Variants in FBXL17 observed in about 807,000 individuals in gnomAD.
FBXL17 encodes the protein F-box/LRR-repeat protein 17.
Under a neutral mutation model 66.2 loss-of-function variants are expected in FBXL17, and 22 were observed. The ratio of observed to expected loss-of-function variants is 0.33; its 90% CI spans 0.24 to 0.47. The LOEUF is 0.47. FBXL17 is among the 20% of genes least tolerant of loss of function. The pLI, the probability that FBXL17 is intolerant of heterozygous loss-of-function variation, is 1.00. For synonymous variants in FBXL17, 474 were observed against 400.5 expected, an observed-to-expected ratio of 1.18 and a Z score of -2.19; for missense variants, 878 against 948.2, an observed-to-expected ratio of 0.93 and a Z score of 0.97.
intron 7 of FBXL17, among the ~76,000 whole-genome samples, chr5:107,890,008 G>A (rs558171902): frequency 2.3e-4 from 35 of 152,190 alleles, no homozygotes; most frequent in African/African-American, 8.4e-4. Flanking sequence ...AGGTTCCCCT[G>A]ACAATCCCCC....
chr5:107,962,114 A>C (rs1751937199), intron 7 of FBXL17, among the ~76,000 whole-genome samples: 1 of 152,122 alleles, frequency 6.6e-6, no homozygotes, highest in Non-Finnish European at 1.5e-5. Flanking sequence ...ATATCTATAC[A>C]ATTTCTCTTT....
chr5:108,162,358 T>C lies in FBXL17; in HGVS notation c.1745+23759A>G, dbSNP rs568678061. Among the ~76,000 whole-genome samples, 8 of 152,020 alleles carry C rather than the reference T, an allele frequency of 5.3e-5. No individual in the cohort carries two copies. In the East Asian group the frequency reaches 1.4e-3, roughly 26 times the overall value. ...TGTAAAAATTAGCTAAGCGTGGTGG[T>C]GGTGGTGTGCCCCTGTAGTCCCAGC... On this transcript the variant is annotated intron_variant, in intron 6 of 8. Coordinates refer to ENST00000542267, the MANE Select transcript of FBXL17 (RefSeq NM_001163315.3).
At chr5:108,063,324 G>T (rs1004410826) in intron 6 of FBXL17, among the ~76,000 whole-genome samples, 2 of 152,064 alleles carry the variant, frequency 1.3e-5, no homozygotes, top group African/African-American at 4.8e-5. Context: ...ATAGTGTCTT[G>T]GTATCTAAAC....
intron 7 of FBXL17, among the ~76,000 whole-genome samples, chr5:107,913,540 G>C (rs1198893106): frequency 7.9e-5 from 12 of 152,116 alleles, no homozygotes; most frequent in Admixed American, 7.9e-4. Context: ...TCCTCAGAGA[G>C]TGCTACTTAG....
intron 4 of FBXL17, among the ~76,000 whole-genome samples, chr5:108,341,510 A>G (rs6594298): frequency 0.84 from 127,324 of 152,018 alleles, 53,468 homozygotes; most frequent in Admixed American, 0.89. Context: ...TATGGGTGAC[A>G]GGCATACAGC....
At chr5:107,863,540 G>C (rs1748190491) in intron 8 of FBXL17, among the ~76,000 whole-genome samples, 2 of 142,184 alleles carry the variant, frequency 1.4e-5, no homozygotes, top group African/African-American at 4.9e-5. Flanking sequence ...AAGTATTCCA[G>C]ATCATTCACT....
chr5:108,148,664 A>C (rs562700887), intron 6 of FBXL17, among the ~76,000 whole-genome samples: 1 of 152,338 alleles, frequency 6.6e-6, no homozygotes, highest in South Asian at 2.1e-4. Flanking sequence ...ATCTATGCTA[A>C]AATGTGCCAA....
At chr5:108,118,962 C>G (rs1471365574) in intron 6 of FBXL17, among the ~76,000 whole-genome samples, 1 of 152,176 alleles carries the variant, frequency 6.6e-6, no homozygotes, top group Non-Finnish European at 1.5e-5. Flanking sequence ...TCTGGGAAGC[C>G]TCTCCTATCC....
intron 6 of FBXL17, among the ~76,000 whole-genome samples, chr5:108,155,211 G>A (rs776441469): frequency 5.3e-5 from 8 of 151,990 alleles, no homozygotes; most frequent in Non-Finnish European, 1.0e-4. Flanking sequence ...TGTGGTTTCC[G>A]ATGAGAGATT....
At chr5:107,964,539 C>T (rs1752043009) in intron 7 of FBXL17, among the ~76,000 whole-genome samples, 1 of 152,036 alleles carries the variant, frequency 6.6e-6, no homozygotes, top group Admixed American at 6.6e-5. Context: ...AAGCTGTACC[C>T]AATTCTCATA....
chr5:108,079,560 G>A (rs10464046), intron 6 of FBXL17, among the ~76,000 whole-genome samples: 44,277 of 151,926 alleles, frequency 0.29, 7,606 homozygotes, highest in Admixed American at 0.4. Context: ...ATTATACAAG[G>A]ACCAGAAGAA....
intron 7 of FBXL17, among the ~76,000 whole-genome samples, chr5:107,960,631 A>G (rs1751864796): frequency 1.3e-5 from 2 of 152,228 alleles, no homozygotes; most frequent in Admixed American, 6.5e-5. Flanking sequence ...TTCACTCAAC[A>G]TAATGTCCCA....
At chr5:108,083,857 G>A (rs1238784551) in intron 6 of FBXL17, among the ~76,000 whole-genome samples, 2 of 152,066 alleles carry the variant, frequency 1.3e-5, no homozygotes, top group African/African-American at 2.4e-5. Flanking sequence ...CAGGGACCTG[G>A]GCCTGGAATC....
chr5:108,228,131 A>C (rs1244528113), intron 4 of FBXL17, among the ~76,000 whole-genome samples: 1 of 152,180 alleles, frequency 6.6e-6, no homozygotes, highest in Non-Finnish European at 1.5e-5. Context: ...AGAATAAGAT[A>C]GCTCAGAGGA....
rs541955631 is a variant in FBXL17, at chr5:107,881,096, T to A, written c.1906A>T (p.Thr636Ser). 42 of 1,614,086 alleles carry A rather than the reference T, an allele frequency of 2.6e-5. No individual in the cohort carries two copies. In the South Asian group the frequency reaches 4.4e-4, roughly 17 times the overall value. Reference sequence around the variant, plus strand: ...GACTTGCTGCTCTGTGCAATCAGGGTGGCTCCTTGGTCTGTGATTTCTTTA... The same window carrying A: ...GACTTGCTGCTCTGTGCAATCAGGGAGGCTCCTTGGTCTGTGATTTCTTTA... ...WCKEITDQGA[T>S]LIAQSSKSLR... The change falls in exon 8 of 9, where the codon ACC (threonine) becomes TCC (serine). Residue 636 changes from threonine (T) to serine (S), a missense_variant. Physicochemically the swap from Thr to Ser is moderately conservative, Grantham distance 58. Transcript: ENST00000542267.
chr5:108,313,620 AT>A (rs1012190558), intron 4 of FBXL17, among the ~76,000 whole-genome samples: 3 of 151,844 alleles, frequency 2.0e-5, no homozygotes, highest in Non-Finnish European at 4.4e-5. Flanking sequence ...AGGTTTAAAG[AT>A]TTTTCTTTCA....
chr5:108,306,577 G>T (rs1758853166), intron 4 of FBXL17, among the ~76,000 whole-genome samples: 1 of 151,994 alleles, frequency 6.6e-6, no homozygotes, highest in Non-Finnish European at 1.5e-5. Context: ...TTTTTAAAAG[G>T]ATCAGGTTCA....
rs878856406 is a variant in FBXL17 at position 108,381,034 on chromosome 5, A to C, written c.658T>G (p.Cys220Gly). 6.6e-5 allele frequency: 79 copies of C among 1,188,612 alleles called. 1 individual carries two copies. In the South Asian group the frequency reaches 1.8e-3, roughly 28 times the overall value. The allele number at this position is 1,188,612 out of a possible 1,614,324, so 73.6% of individuals were successfully genotyped here. ...CKQPRCGGGG[C>G]GGGGGGGGGG... The stretch of plus-strand genomic sequence containing the variant: ...CCACCGCCGCCGCCGCCGCCGCCGC[A>C]GCCCCCGCCGCCGCAGCGGGGCTGC... Residue 220 changes from cysteine to glycine, a missense_variant, in exon 1 of 9, where the codon TGC becomes GGC. By Grantham distance (159) the Cys-to-Gly change is radical (BLOSUM62 -3). Around this residue, in one of 4 missense-constraint regions of FBXL17, gnomAD observed 605 missense variants for 509.5 expected, o/e 1.19. Transcript: ENST00000542267.
At chr5:108,363,253 A>C (rs1006343685) in intron 3 of FBXL17, among the ~76,000 whole-genome samples, 1 of 151,988 alleles carries the variant, frequency 6.6e-6, no homozygotes, top group Admixed American at 6.6e-5. Flanking sequence ...CATAAAACTT[A>C]ATTTCTATTT....
Sources: allele counts gnomAD v4.1 joint callset (sites outside exome capture counted in the v4.1 genomes callset), GRCh38; gene constraint gnomAD v4.1.1; regional missense constraint gnomAD v4.1.1; transcripts MANE v1.5; gene names NCBI Gene and HGNC (gene_info 2026-07-23, HGNC 2026-07-21).